NRF1: variants seen among roughly 807,000 people sequenced by gnomAD.
NRF1 encodes alpha palindromic-binding protein.
NRF1 carries 5 observed loss-of-function variants against 58.5 expected under a neutral mutation model. The ratio of observed to expected loss-of-function variants is 0.09; its 90% CI spans 0.04 to 0.18. The LOEUF is 0.18. Ranked by LOEUF, NRF1 falls within the 10% of genes least tolerant of loss-of-function variation. The probability of loss-of-function intolerance (pLI) is 1.00; values close to 1 mark genes in which losing one functional copy is unlikely to be tolerated. For synonymous variants in NRF1, 224 were observed against 246.7 expected, an observed-to-expected ratio of 0.91 and a Z score of 0.86; for missense variants, 288 against 657.7, an observed-to-expected ratio of 0.44 and a Z score of 6.15.
At chr7:129,748,893 G>T (rs1195737435) in intron 10 of NRF1, among the ~76,000 whole-genome samples, 1 of 152,166 alleles carries the variant, frequency 6.6e-6, no homozygotes, top group Non-Finnish European at 1.5e-5. Flanking sequence ...GAAACTCATT[G>T]CCCCAGGAGA....
chr7:129,735,114 A>T, intron 10 of NRF1: 1 of 985,454 alleles, frequency 1.0e-6, no homozygotes, highest in African/African-American at 1.7e-5. Context: ...TTTGAAGAGC[A>T]CATCTGTCTC....
intron 1 of NRF1, among the ~76,000 whole-genome samples, chr7:129,620,981 G>A (rs1295273898): frequency 6.6e-6 from 1 of 152,150 alleles, no homozygotes; most frequent in African/African-American, 2.4e-5. Context: ...AATACTTTGA[G>A]ATCCAGGATG....
At chr7:129,646,084 A>T (rs1007372952) in intron 1 of NRF1, among the ~76,000 whole-genome samples, 9 of 152,142 alleles carry the variant, frequency 5.9e-5, no homozygotes, top group Non-Finnish European at 5.9e-5. Context: ...TTCTGACCTC[A>T]GCTGATCCAC....
chr7:129,705,580 C>T (rs1802929576), intron 5 of NRF1, among the ~76,000 whole-genome samples: 1 of 152,124 alleles, frequency 6.6e-6, no homozygotes, highest in African/African-American at 2.4e-5. Context: ...CGTGAGCCAC[C>T]AAGCCCGGCC....
intron 9 of NRF1, among the ~76,000 whole-genome samples, chr7:129,721,197 T>C (rs996302110): frequency 6.6e-6 from 1 of 152,136 alleles, no homozygotes; most frequent in African/African-American, 2.4e-5. Context: ...TACAAACCCA[T>C]TTCCTGAATA....
intron 5 of NRF1, among the ~76,000 whole-genome samples, chr7:129,707,526 C>G (rs1260550316): frequency 6.6e-6 from 1 of 151,988 alleles, no homozygotes; most frequent in African/African-American, 2.4e-5. Flanking sequence ...CTTTCTTGCT[C>G]TATGTATTTG....
intron 3 of NRF1, among the ~76,000 whole-genome samples, chr7:129,677,272 CCAA>C (rs1802204153): frequency 6.6e-6 from 1 of 152,060 alleles, no homozygotes; most frequent in Non-Finnish European, 1.5e-5. Flanking sequence ...CCTTGGCCTC[CCAA>C]AGTGCTGGGA....
chr7:129,645,837 A>G (rs1487482653), intron 1 of NRF1, among the ~76,000 whole-genome samples: 2 of 152,022 alleles, frequency 1.3e-5, no homozygotes, highest in Admixed American at 1.3e-4. Flanking sequence ...GTCTGTGTGA[A>G]GCATTTTATT....
intron 4 of NRF1, among the ~76,000 whole-genome samples, chr7:129,681,823 A>G (rs957047882): frequency 1.3e-5 from 1 of 75,046 alleles, no homozygotes; most frequent in African/African-American, 5.7e-5. Context: ...ACAGTGGCTC[A>G]TGCCTGTAAT....
At chr7:129,673,489 G>C (rs1387927503) in intron 3 of NRF1, among the ~76,000 whole-genome samples, 1 of 152,116 alleles carries the variant, frequency 6.6e-6, no homozygotes, top group East Asian at 1.9e-4. Flanking sequence ...CAGCACTTTG[G>C]GAGGCCGAGG....
Position 129,709,087 on chromosome 7 carries a change from G to T in NRF1, c.619G>T (p.Ala207Ser). The change falls in exon 6 of 11, where the codon GCA becomes TCA. Residue 207 changes from alanine (A) to serine (S), a missense_variant. Physicochemically the swap from Ala to Ser is moderately conservative, Grantham distance 99. This residue lies in a region of NRF1 where 212 missense variants were observed against 559.7 expected (regional missense o/e 0.38). Coordinates refer to ENST00000393232, the MANE Select transcript of NRF1 (RefSeq NM_005011.5). ...VDKMTQAQLR[A>S]FIPEMLKYST... ...TGTTCTCTTCCAGGCCCAGCTTCGG[G>T]CATTTATCCCAGAGATGCTCAAGTA... The T allele has an allele frequency of 6.4e-7, 1 of 1,556,500 alleles. No individual in the cohort carries two copies. The highest frequency in any genetic ancestry group is 8.7e-7 in the Non-Finnish European group (1 of 1,149,302).
At chr7:129,710,259 A>G in intron 6 of NRF1, 115 bp from the exon 7 acceptor site, 1 of 873,470 alleles carries the variant, frequency 1.1e-6, no homozygotes, top group South Asian at 1.5e-5. Flanking sequence ...GGAGAGTCTA[A>G]TAAGAGGTTT....
intron 10 of NRF1, among the ~76,000 whole-genome samples, chr7:129,739,752 C>T (rs560095129): frequency 6.6e-6 from 1 of 152,246 alleles, no homozygotes; most frequent in Admixed American, 6.5e-5. Context: ...CACTTGGATT[C>T]CTCACAAGTG....
chr7:129,689,947 G>A (rs1802526678), intron 4 of NRF1, among the ~76,000 whole-genome samples: 1 of 152,218 alleles, frequency 6.6e-6, no homozygotes, highest in African/African-American at 2.4e-5. Flanking sequence ...TTGCAGGAAT[G>A]TAGCAGCAGT....
intron 1 of NRF1, among the ~76,000 whole-genome samples, chr7:129,639,465 A>C (rs1450385450): frequency 3.3e-5 from 5 of 152,256 alleles, no homozygotes; most frequent in Non-Finnish European, 7.4e-5. Context: ...AATTTTTATA[A>C]ATTGGTTTAA....
At chr7:129,657,030 T>C (rs1801672301) in intron 1 of NRF1, among the ~76,000 whole-genome samples, 1 of 152,258 alleles carries the variant, frequency 6.6e-6, no homozygotes, top group Non-Finnish European at 1.5e-5. Context: ...GTCACTGAGC[T>C]ATCTTAAGTA....
At position 129,711,556 on chromosome 7, in the gene NRF1, T is replaced by A; in HGVS notation, c.1045T>A (p.Ser349Thr). 6.2e-7 allele frequency: 1 copy of A among 1,611,788 alleles called. No homozygotes were observed. Among genetic ancestry groups the A allele is most frequent in the Non-Finnish European group, 8.5e-7 (1 of 1,178,822 alleles). The change falls in exon 8 of 11, where the codon TCT becomes ACT. Residue 349 changes from serine (S) to threonine (T), a missense_variant. Physicochemically the swap from Ser to Thr is moderately conservative, Grantham distance 58. Coordinates refer to ENST00000393232, the MANE Select transcript of NRF1 (RefSeq NM_005011.5). ...TTVTVAQVNY[S>T]AVADGEVEQN... is the part of the protein sequence containing the mutation. The stretch of plus-strand genomic sequence containing the variant: ...GGTCACCGTTGCCCAAGTGAATTAT[T>A]CTGCCGTGGCTGATGGAGAGGTAAG...
intron 2 of NRF1, 79 bp downstream of exon 2, chr7:129,657,653 A>G (rs1056635894): frequency 3.3e-6 from 3 of 899,072 alleles, no homozygotes; most frequent in Non-Finnish European, 4.9e-6. Flanking sequence ...TCTGTTGCTC[A>G]GGCTGGGGTG....
intron 4 of NRF1, among the ~76,000 whole-genome samples, chr7:129,679,281 G>A (rs1802251621): frequency 6.6e-6 from 1 of 152,156 alleles, no homozygotes; most frequent in African/African-American, 2.4e-5. Flanking sequence ...CATACTCACA[G>A]CCACTCACAA....
Sources: gnomAD v4.1 joint callset for allele counts (sites outside exome capture counted in the v4.1 genomes callset) on GRCh38, gnomAD v4.1.1 for gene constraint, gnomAD v4.1.1 regional missense constraint, MANE v1.5 for transcripts, NCBI Gene and HGNC (gene_info 2026-07-23, HGNC 2026-07-21) for gene names.